The following TUBAL3 variants were observed in gnomAD, a reference collection of about 807,000 sequenced individuals.
The protein encoded by TUBAL3 is tubulin alpha chain-like 3.
Under a neutral mutation model 15.5 loss-of-function variants are expected in TUBAL3, and 16 were observed. That is an observed-to-expected ratio of 1.04 (90% CI 0.70 to 1.57). TUBAL3 has a LOEUF of 1.57. TUBAL3 is among the 40% of genes most tolerant of loss of function. The probability of loss-of-function intolerance (pLI) is 0.00; values close to 1 mark genes in which losing one functional copy is unlikely to be tolerated. For synonymous variants in TUBAL3, 238 were observed against 224.3 expected, an observed-to-expected ratio of 1.06 and a Z score of -0.55; for missense variants, 609 against 576.2, an observed-to-expected ratio of 1.06 and a Z score of -0.58.
At chr10:5,403,025 C>G (rs1395044585) in intron 1 of TUBAL3, among the ~76,000 whole-genome samples, 1 of 152,178 alleles carries the variant, frequency 6.6e-6, no homozygotes, top group Non-Finnish European at 1.5e-5. Flanking sequence ...GGCATCAAAC[C>G]TTTGTACTTT....
In TUBAL3 at chr10:5,394,158, T is replaced by C. The variant is rs1831723466; in HGVS notation, c.700A>G (p.Ile234Val). 6.2e-7 allele frequency: 1 copy of C among 1,614,182 alleles called. No individual in the cohort carries two copies. Among genetic ancestry groups the C allele is most frequent in the Non-Finnish European group, 8.5e-7 (1 of 1,180,034 alleles). The change falls in exon 4 of 4, where the codon ATC becomes GTC. Residue 234 changes from isoleucine to valine, a missense_variant. Transcript: ENST00000380419. This position sits in a 1 kb window ranked among gnomAD's most constrained non-coding sequence, Gnocchi z 4.3. ...ACCACCTGAACCACCAATCTATTGA[T>C]GCTGGCATGAGAGGGGCATTCAACA... ...LGVECPSHAS[I>V]NRLVVQVVSS...
At chr10:5,400,039 T>C (rs558559250) in intron 2 of TUBAL3, among the ~76,000 whole-genome samples, 39 of 152,352 alleles carry the variant, frequency 2.6e-4, no homozygotes, top group African/African-American at 9.1e-4. Flanking sequence ...CCCTTCTCTC[T>C]CCTTTATTTT....
Position 5,395,303 on chromosome 10 carries a change from C to G in TUBAL3, c.396+24G>C, listed in dbSNP as rs568142298. The G allele has an allele frequency of 2.0e-5, 29 of 1,482,822 alleles. No individual in the cohort carries two copies. Among genetic ancestry groups the G allele is most frequent in the Admixed American group, 6.2e-5 (3 of 48,164 alleles). 91.9% of individuals were successfully genotyped at this position (1,482,822 alleles called of 1,614,324 possible). A position where few individuals can be genotyped will look rare whatever the true frequency, so the allele number is the denominator to read the frequency against. ...CCACATGCCCCAGGCACAGCCCACT[C>G]GGAGGAGAGGGGGAGCCACTTGCCA... On this transcript the variant is annotated intron_variant, in intron 3 of 3. Coordinates refer to ENST00000380419, the MANE Select transcript of TUBAL3 (RefSeq NM_024803.3). This position sits in a 1 kb window ranked among gnomAD's most constrained non-coding sequence, Gnocchi z 4.6.
In TUBAL3 at chr10:5,393,691, C is replaced by A. The variant is rs782335316; in HGVS notation, c.1167G>T (p.Thr389=). Reference sequence around the variant, plus strand: ...GGCGGGCCCAGGCCTCCACAATCGCCGTGGTGTTGCTCAGCATGCAGATGG... The same window carrying A: ...GGCGGGCCCAGGCCTCCACAATCGCAGTGGTGTTGCTCAGCATGCAGATGG... ...HRSICMLSNT[T]AIVEAWARLD... Residue 389 remains threonine, a synonymous_variant, in exon 4 of 4, where the codon ACG becomes ACT. Transcript: ENST00000380419. 6.2e-7 allele frequency: 1 copy of A among 1,614,206 alleles called. No individual in the cohort carries two copies. Among genetic ancestry groups the A allele is most frequent in the East Asian group, 2.2e-5 (1 of 44,888 alleles).
chr10:5,402,071 G>C (rs1399584381), intron 1 of TUBAL3, among the ~76,000 whole-genome samples: 1 of 152,094 alleles, frequency 6.6e-6, no homozygotes, highest in African/African-American at 2.4e-5. Context: ...TATAGAGTAT[G>C]ATGTCCAATA....
intron 1 of TUBAL3, among the ~76,000 whole-genome samples, chr10:5,401,321 A>G (rs1831848475): frequency 6.6e-6 from 1 of 152,256 alleles, no homozygotes; most frequent in Admixed American, 6.5e-5. Flanking sequence ...TTTTAACAAC[A>G]TAAATTAAGC....
At chr10:5,398,345 G>T (rs911169107) in intron 2 of TUBAL3, among the ~76,000 whole-genome samples, 16 of 150,356 alleles carry the variant, frequency 1.1e-4, no homozygotes, top group African/African-American at 3.9e-4. Flanking sequence ...GCTTGAACCC[G>T]GGAGGCACAG....
chr10:5,398,603 A>G (rs1831801293), intron 2 of TUBAL3, among the ~76,000 whole-genome samples: 1 of 124,048 alleles, frequency 8.1e-6, no homozygotes, highest in African/African-American at 2.9e-5. Context: ...TCGCTCTAAA[A>G]AACAAACAAA....
Position 5,401,107 on chromosome 10 carries a change from G to A in TUBAL3, c.4-20C>T. ...CTCCCTCTAAAATAAGTCATGGTGA[G>A]TTGGAACTGAGCAGGTGTTTAGAAA... On this transcript the variant is annotated intron_variant, in intron 1 of 3. Coordinates refer to ENST00000380419, the MANE Select transcript of TUBAL3 (RefSeq NM_024803.3). 1.2e-6 allele frequency: 2 copies of A among 1,613,040 alleles called. No homozygotes were observed. Among genetic ancestry groups the A allele is most frequent in the Non-Finnish European group, 1.7e-6 (2 of 1,179,592 alleles).
At position 5,394,482 on chromosome 10, in the gene TUBAL3, G is replaced by T. The variant is rs1554813910; in HGVS notation, c.397-21C>A. 1 of 1,561,066 alleles carries T rather than the reference G, an allele frequency of 6.4e-7. No individual in the cohort carries two copies. The highest frequency in any genetic ancestry group is 8.7e-7 in the Non-Finnish European group (1 of 1,154,444). ...TCTGCCTGGAGAAAGTAAATGAGATGTGAGAATTCAGCTGAATAAATCCAG... is the reference window on the plus strand; with the variant it reads ...TCTGCCTGGAGAAAGTAAATGAGATTTGAGAATTCAGCTGAATAAATCCAG... On this transcript the variant is annotated intron_variant, in intron 3 of 3. Coordinates refer to ENST00000380419, the MANE Select transcript of TUBAL3 (RefSeq NM_024803.3). The surrounding 1 kb of genome is among the most constrained non-coding windows in gnomAD (Gnocchi z 4.3).
intron 1 of TUBAL3, among the ~76,000 whole-genome samples, chr10:5,403,894 G>A (rs1554814842): frequency 6.6e-6 from 1 of 152,316 alleles, no homozygotes; most frequent in Admixed American, 6.5e-5. Context: ...ATAACTCTCA[G>A]TTAAACTTTC....
chr10:5,403,280 G>A (rs981263228), intron 1 of TUBAL3, among the ~76,000 whole-genome samples: 67 of 152,000 alleles, frequency 4.4e-4, no homozygotes, highest in Non-Finnish European at 2.2e-4. Context: ...CCCTTCTGTC[G>A]GACTTAAAGT....
intron 1 of TUBAL3, among the ~76,000 whole-genome samples, chr10:5,404,216 A>G (rs1393255228): frequency 6.6e-6 from 1 of 152,252 alleles, no homozygotes; most frequent in African/African-American, 2.4e-5. Context: ...TTAAAAATTC[A>G]AAGATACTGA....
chr10:5,398,062 G>A (rs1831790539), intron 2 of TUBAL3, among the ~76,000 whole-genome samples: 1 of 152,202 alleles, frequency 6.6e-6, no homozygotes, highest in Non-Finnish European at 1.5e-5. Flanking sequence ...CAAGGTGAGA[G>A]GATTGTTTGA....
At position 5,401,008 on chromosome 10, in the gene TUBAL3, TGTTCCAGGCAATAGA is replaced by T. The variant is rs782162449; in HGVS notation, c.68_82del (p.Leu23_Glu27del). 1.2e-6 allele frequency: 2 copies of T among 1,614,236 alleles called. No individual in the cohort carries two copies. Among genetic ancestry groups the T allele is most frequent in the South Asian group, 2.2e-5 (2 of 91,082 alleles). Reference sequence around the variant, plus strand: ...AACAACGCCATTTGGCTGGATTCCATGTTCCAGGCAATAGAGTTCCCAGCAGGCGTCCCCAATCTG... The same window carrying T: ...AACAACGCCATTTGGCTGGATTCCATGTTCCCAGCAGGCGTCCCCAATCTG... On this transcript the variant is annotated inframe_deletion, in exon 2 of 4. Coordinates refer to ENST00000380419, the MANE Select transcript of TUBAL3 (RefSeq NM_024803.3).
In TUBAL3 at chr10:5,393,837, C is replaced by A; in HGVS notation, c.1021G>T (p.Ala341Ser). 6.2e-7 allele frequency: 1 copy of A among 1,614,194 alleles called. No homozygotes were observed. Residue 341 changes from alanine to serine, a missense_variant, in exon 4 of 4, where the codon GCC becomes TCC. By Grantham distance (99) the Ala-to-Ser change is moderately conservative. Coordinates refer to ENST00000380419, the MANE Select transcript of TUBAL3 (RefSeq NM_024803.3). ...TGAACAGAGTGCCTCGACTTCGTGG[C>A]TGCGATTGCTGCATTCACTTCCTTG... ...VPKEVNAAIA[A>S]TKSRHSVQFV...
Position 5,394,498 on chromosome 10 carries a change from A to C in TUBAL3, c.397-37T>G. 1 of 1,540,414 alleles carries C rather than the reference A, an allele frequency of 6.5e-7. No homozygotes were observed. The highest frequency in any genetic ancestry group is 1.3e-5 in the South Asian group (1 of 78,514). On this transcript the variant is annotated intron_variant, in intron 3 of 3. Transcript: ENST00000380419. This position sits in a 1 kb window ranked among gnomAD's most constrained non-coding sequence, Gnocchi z 4.3. ...AAATGAGATGTGAGAATTCAGCTGA[A>C]TAAATCCAGAAGCAGTGAATTGGAC...
chr10:5,399,775 G>A (rs1831822345), intron 2 of TUBAL3, among the ~76,000 whole-genome samples: 1 of 152,210 alleles, frequency 6.6e-6, no homozygotes, highest in Non-Finnish European at 1.5e-5. Context: ...GGGCAGCGAT[G>A]TAAATGAGTG....
Position 5,401,048 on chromosome 10 carries a change from G to A in TUBAL3, c.43C>T (p.Gln15Ter), listed in dbSNP as rs1554814610. The A allele has an allele frequency of 6.2e-7, 1 of 1,614,146 alleles. No individual in the cohort carries two copies. The highest frequency in any genetic ancestry group is 2.2e-5 in the East Asian group (1 of 44,880). Residue 15 changes from glutamine to a stop codon, truncating the protein, a stop_gained, in exon 2 of 4, where the codon CAG (glutamine) becomes TAG (stop). Coordinates refer to ENST00000380419, the MANE Select transcript of TUBAL3 (RefSeq NM_024803.3). LOFTEE classifies it high-confidence loss of function. ...AGTTCCCAGCAGGCGTCCCCAATCT[G>A]GATGCCAGCTTGACCGATGTGGATG... ...LSIHIGQAGI[Q>*]IGDACWELYC...
Sources: gnomAD v4.1 joint callset for allele counts (sites outside exome capture counted in the v4.1 genomes callset) on GRCh38, gnomAD v4.1.1 for gene constraint, Gnocchi (gnomAD v3.1) non-coding constraint, MANE v1.5 for transcripts, NCBI Gene and HGNC (gene_info 2026-07-23, HGNC 2026-07-21) for gene names.